CHST3: variants seen among roughly 807,000 people sequenced by gnomAD.
CHST3 encodes C6ST-1.
A neutral mutation model predicts 35.4 loss-of-function variants in CHST3; 20 were observed. That is an observed-to-expected ratio of 0.57 (90% CI 0.40 to 0.82). The LOEUF is 0.82. Among genes scored for constraint, CHST3 ranks in the 40% least tolerant of loss-of-function variants. The probability of loss-of-function intolerance (pLI) is 0.00; values close to 1 mark genes in which losing one functional copy is unlikely to be tolerated. For missense variants in CHST3, 693 were observed against 670.1 expected, an observed-to-expected ratio of 1.03 and a Z score of -0.38; for synonymous variants, 334 against 295.9, an observed-to-expected ratio of 1.13 and a Z score of -1.32.
intron 1 of CHST3, among the ~76,000 whole-genome samples, chr10:71,991,466 T>C (rs1839895956): frequency 6.6e-6 from 1 of 152,150 alleles, no homozygotes; most frequent in Non-Finnish European, 1.5e-5. Context: ...CTTCCCCAAA[T>C]TTTCCCAAAA....
chr10:71,974,349 CAGAG>C (rs1839725021), intron 1 of CHST3, among the ~76,000 whole-genome samples: 1 of 152,146 alleles, frequency 6.6e-6, no homozygotes, highest in Non-Finnish European at 1.5e-5. Context: ...AACTGAGGCT[CAGAG>C]AGGTTGAGTA....
chr10:71,974,717 A>G (rs762385734), intron 1 of CHST3, among the ~76,000 whole-genome samples: 1 of 152,104 alleles, frequency 6.6e-6, no homozygotes, highest in African/African-American at 2.4e-5. Context: ...TCTGCCCTCT[A>G]TGGTTCTCCT....
intron 1 of CHST3, among the ~76,000 whole-genome samples, chr10:71,981,845 T>G (rs1839804163): frequency 6.6e-6 from 1 of 152,256 alleles, no homozygotes; most frequent in African/African-American, 2.4e-5. Flanking sequence ...AGGGAACTTA[T>G]AAAAATTCCC....
At chr10:71,974,669 G>A (rs538454746) in intron 1 of CHST3, among the ~76,000 whole-genome samples, 1 of 152,182 alleles carries the variant, frequency 6.6e-6, no homozygotes, top group Non-Finnish European at 1.5e-5. Context: ...GGGAAAACAT[G>A]ACATCACTGA....
At chr10:72,007,101 G>A in intron 2 of CHST3, 71 bp from the exon 3 acceptor site, 12 of 1,546,734 alleles carry the variant, frequency 7.8e-6, no homozygotes, top group Non-Finnish European at 1.1e-5. Flanking sequence ...CTGCTTGGAG[G>A]ACTGCTTAGG....
chr10:71,981,385 G>T (rs1839800089), intron 1 of CHST3, among the ~76,000 whole-genome samples: 3 of 152,228 alleles, frequency 2.0e-5, no homozygotes, highest in Admixed American at 1.3e-4. Context: ...CAGCCTCGCA[G>T]CCCTCCAGAA....
intron 1 of CHST3, among the ~76,000 whole-genome samples, chr10:71,974,809 A>G (rs1459311744): frequency 6.6e-6 from 1 of 152,122 alleles, no homozygotes; most frequent in Non-Finnish European, 1.5e-5. Context: ...AGCTTCCTGC[A>G]CTGGGTTCTC....
intron 1 of CHST3, among the ~76,000 whole-genome samples, chr10:71,987,282 A>G (rs186199776): frequency 1.3e-5 from 2 of 150,060 alleles, no homozygotes; most frequent in Non-Finnish European, 3.0e-5. Context: ...GGGAGCAGGA[A>G]AAAAAAAAAG....
chr10:71,969,799 G>A (rs1839671614), intron 1 of CHST3, among the ~76,000 whole-genome samples: 1 of 152,178 alleles, frequency 6.6e-6, no homozygotes, highest in African/African-American at 2.4e-5. Context: ...TCAGATGCTG[G>A]GTGAAGCCCC....
rs1025803946 is a variant in CHST3 at position 72,000,480 on chromosome 10, G to T, written c.-107-5256G>T. Among the ~76,000 whole-genome samples, 8 of 152,018 alleles carry T rather than the reference G, an allele frequency of 5.3e-5. No homozygotes were observed. In the East Asian group the frequency reaches 1.5e-3, roughly 29 times the overall value. On this transcript the variant is annotated intron_variant, in intron 1 of 2. Transcript: ENST00000373115. ...GGGGTCAGGGAAGTACTCCAGAGCT[G>T]GGGGGGCATTTGAGCTGAGTCCTGA...
chr10:72,007,879 T>C lies in CHST3; in HGVS notation c.848T>C (p.Leu283Pro). The change falls in exon 3 of 3, where the codon CTG becomes CCG. Residue 283 changes from leucine (L) to proline (P), a missense_variant. Coordinates refer to ENST00000373115, the MANE Select transcript of CHST3 (RefSeq NM_004273.5). ...GTGCGCATCCGGCAGCTGGAGTTCC[T>C]GCAGCCGCTGGCCGAGGACCCCCGC... ...KAVRIRQLEF[L>P]QPLAEDPRLD... The C allele has an allele frequency of 6.3e-7, 1 of 1,591,192 alleles. No homozygotes were observed. Among genetic ancestry groups the C allele is most frequent in the South Asian group, 1.1e-5 (1 of 88,728 alleles).
At chr10:71,974,244 C>T (rs759920649) in intron 1 of CHST3, among the ~76,000 whole-genome samples, 8 of 152,196 alleles carry the variant, frequency 5.3e-5, no homozygotes, top group Non-Finnish European at 1.0e-4. Context: ...ATTCACTAAG[C>T]ACCTGCCATG....
intron 1 of CHST3, among the ~76,000 whole-genome samples, chr10:71,985,131 T>G (rs1460689027): frequency 1.3e-5 from 2 of 152,248 alleles, no homozygotes; most frequent in Non-Finnish European, 2.9e-5. Flanking sequence ...GTGCCTGTGC[T>G]GCGCAGCTGG....
Position 72,008,186 on chromosome 10 carries a change from G to T in CHST3, c.1155G>T (p.Met385Ile), listed in dbSNP as rs1378406444. The change falls in exon 3 of 3, where the codon ATG becomes ATT. Residue 385 changes from methionine (M) to isoleucine (I), a missense_variant. Physicochemically the swap from Met to Ile is conservative, Grantham distance 10 (BLOSUM62 1). Transcript: ENST00000373115. ...ARGPLQKARE[M>I]YRFAGIPLTP... ...GGCCGCTGCAGAAGGCCCGCGAGAT[G>T]TACCGCTTCGCCGGCATCCCCCTGA... The T allele has an allele frequency of 1.3e-6, 2 of 1,549,620 alleles. No individual in the cohort carries two copies. The highest frequency in any genetic ancestry group is 8.7e-7 in the Non-Finnish European group (1 of 1,146,812).
At chr10:71,997,710 G>A (rs960158288) in intron 1 of CHST3, among the ~76,000 whole-genome samples, 6 of 144,954 alleles carry the variant, frequency 4.1e-5, no homozygotes, top group Admixed American at 7.1e-5. Flanking sequence ...TTGAGACGGA[G>A]TCTTGCAGTG....
chr10:72,004,182 A>G (rs554587897), intron 1 of CHST3, among the ~76,000 whole-genome samples: 1 of 152,282 alleles, frequency 6.6e-6, no homozygotes, highest in Non-Finnish European at 1.5e-5. Context: ...TAATAATAAT[A>G]ATAATGATAC....
chr10:71,969,795 G>C (rs887059626), intron 1 of CHST3, among the ~76,000 whole-genome samples: 1 of 152,202 alleles, frequency 6.6e-6, no homozygotes, highest in African/African-American at 2.4e-5. Flanking sequence ...GTAGTCAGAT[G>C]CTGGGTGAAG....
chr10:71,990,422 G>T (rs1002663320), intron 1 of CHST3, among the ~76,000 whole-genome samples: 1 of 152,014 alleles, frequency 6.6e-6, no homozygotes, highest in Non-Finnish European at 1.5e-5. Flanking sequence ...GGAGTGCAAT[G>T]GTGTGATCTT....
At chr10:72,002,422 G>A (rs1292545339) in intron 1 of CHST3, among the ~76,000 whole-genome samples, 3 of 152,226 alleles carry the variant, frequency 2.0e-5, no homozygotes, top group East Asian at 3.9e-4. Context: ...GCAGCTCCCC[G>A]ACCCGCACCT....
Sources: allele counts gnomAD v4.1 joint callset (sites outside exome capture counted in the v4.1 genomes callset), GRCh38; gene constraint gnomAD v4.1.1; transcripts MANE v1.5; gene names NCBI Gene and HGNC (gene_info 2026-07-23, HGNC 2026-07-21).